MGAT5: variants seen among roughly 807,000 people sequenced by gnomAD.
MGAT5 encodes the protein alpha-1,6-mannosylglycoprotein 6-beta-N-acetylglucosaminyltransferase.
In MGAT5, 30 loss-of-function variants were observed where a neutral mutation model predicts 94.3. The ratio of observed to expected loss-of-function variants is 0.32; its 90% CI spans 0.24 to 0.43. MGAT5 has a LOEUF of 0.43. MGAT5 is among the 20% of genes least tolerant of loss of function. The pLI is 1.00. For synonymous variants in MGAT5, 310 were observed against 322.9 expected (o/e 0.96, Z 0.43); for missense variants, 691 against 905.5 (o/e 0.76, Z 3.04).
intron 1 of MGAT5, among the ~76,000 whole-genome samples, chr2:134,133,818 G>A (rs1686283803): frequency 6.6e-6 from 1 of 152,112 alleles, no homozygotes; most frequent in Non-Finnish European, 1.5e-5. Context: ...GGTGAACATG[G>A]GACAGGGAGG....
At position 134,186,380 on chromosome 2, in the gene MGAT5, C is replaced by CT. The variant is rs201791165; in HGVS notation, c.-143+66102dup. 6.9e-3 allele frequency among the ~76,000 whole-genome samples: 941 copies of CT among 135,966 alleles called. 6 individuals carry two copies. Among genetic ancestry groups the CT allele is most frequent in the African/African-American group, 0.021 (818 of 38,094 alleles). 89.2% of individuals were successfully genotyped at this position (135,966 alleles called of 152,430 possible). On this transcript the variant is annotated intron_variant, in intron 1 of 16. Transcript: ENST00000409645. ...GGAAAAAGGAGCCCTGGAGTCGTTT[C>CT]TTTTTTTTTTTTTACTTGGAATTTC...
chr2:134,431,111 A>G (rs1011862114), intron 14 of MGAT5, among the ~76,000 whole-genome samples: 1 of 152,040 alleles, frequency 6.6e-6, no homozygotes, highest in Non-Finnish European at 1.5e-5. Flanking sequence ...TGTCATGGGG[A>G]ATGATAGGCA....
At chr2:134,441,262 G>C (rs545463016) in intron 14 of MGAT5, among the ~76,000 whole-genome samples, 36 of 151,806 alleles carry the variant, frequency 2.4e-4, no homozygotes, top group Middle Eastern at 6.8e-3. Context: ...TTGCCATTGA[G>C]ATAAAAGTAG....
At chr2:134,349,643 G>A (rs1468738028) in intron 8 of MGAT5, among the ~76,000 whole-genome samples, 162 bp from the exon 9 acceptor site, 6 of 152,236 alleles carry the variant, frequency 3.9e-5, no homozygotes, top group South Asian at 4.1e-4. Flanking sequence ...GTAGATGTTC[G>A]GTACACAAGC....
At chr2:134,169,577 T>C (rs1370975602) in intron 1 of MGAT5, among the ~76,000 whole-genome samples, 1 of 152,164 alleles carries the variant, frequency 6.6e-6, no homozygotes. Context: ...CTCCAAAAAT[T>C]ACTTTGGGTG....
intron 10 of MGAT5, among the ~76,000 whole-genome samples, chr2:134,396,797 G>T (rs1371577653): frequency 1.3e-5 from 2 of 152,238 alleles, no homozygotes; most frequent in Non-Finnish European, 2.9e-5. Context: ...CCCTGGAGAA[G>T]TTCACAGTTC....
At chr2:134,339,061 A>T (rs72978191) in intron 6 of MGAT5, among the ~76,000 whole-genome samples, 5,198 of 152,246 alleles carry the variant, frequency 0.034, 266 homozygotes, top group African/African-American at 0.11. Context: ...ACATCTAAAA[A>T]ACTTAAAAAT....
At chr2:134,304,253 C>T (rs1686199338) in intron 2 of MGAT5, among the ~76,000 whole-genome samples, 1 of 152,130 alleles carries the variant, frequency 6.6e-6, no homozygotes, top group South Asian at 2.1e-4. Flanking sequence ...ACAATAACCA[C>T]CATTTCTAGG....
At chr2:134,408,977 T>C (rs911092664) in intron 11 of MGAT5, among the ~76,000 whole-genome samples, 1 of 152,172 alleles carries the variant, frequency 6.6e-6, no homozygotes, top group African/African-American at 2.4e-5. Flanking sequence ...ATCTCTTATC[T>C]CTCTCTTCTG....
intron 2 of MGAT5, among the ~76,000 whole-genome samples, chr2:134,313,052 AC>A (rs1686779647): frequency 5.7e-5 from 1 of 17,396 alleles, no homozygotes; most frequent in African/African-American, 7.5e-5. Flanking sequence ...ACACACACAC[AC>A]ACACACACAC....
At chr2:134,287,388 ATGTATCATCTGAGAGTTT>A (rs1382377009) in intron 2 of MGAT5, among the ~76,000 whole-genome samples, 4 of 152,108 alleles carry the variant, frequency 2.6e-5, no homozygotes, top group Non-Finnish European at 5.9e-5. Flanking sequence ...TTTCTGTTGT[ATGTATCATCTGAGAGTTT>A]TTCTTTTTCA....
intron 2 of MGAT5, among the ~76,000 whole-genome samples, chr2:134,288,891 C>T (rs1685177037): frequency 6.6e-6 from 1 of 152,198 alleles, no homozygotes; most frequent in Non-Finnish European, 1.5e-5. Context: ...ATGGGCTTCA[C>T]TTGCTCAAAC....
chr2:134,444,238 A>C (rs543001387), intron 15 of MGAT5, among the ~76,000 whole-genome samples: 1 of 152,336 alleles, frequency 6.6e-6, no homozygotes, highest in African/African-American at 2.4e-5. Context: ...GCCAAGACGG[A>C]TAAGCCAGCC....
chr2:134,284,956 T>A (rs900185933), intron 2 of MGAT5, among the ~76,000 whole-genome samples: 1 of 152,224 alleles, frequency 6.6e-6, no homozygotes, highest in Non-Finnish European at 1.5e-5. Flanking sequence ...TTGTTGTAAA[T>A]GTTTCAGGTG....
intron 1 of MGAT5, among the ~76,000 whole-genome samples, chr2:134,199,528 C>T (rs148734101): frequency 3.6e-4 from 54 of 151,678 alleles, no homozygotes; most frequent in Non-Finnish European, 4.9e-4. Flanking sequence ...AAAACAGTGG[C>T]CTGAACCTCC....
chr2:134,446,065 A>T (rs548227482), intron 15 of MGAT5, among the ~76,000 whole-genome samples: 2 of 152,274 alleles, frequency 1.3e-5, no homozygotes, highest in East Asian at 3.9e-4. Context: ...TGCATTCCAC[A>T]GCCGAATCCA....
At chr2:134,428,810 G>A (rs1420420503) in intron 14 of MGAT5, among the ~76,000 whole-genome samples, 2 of 152,174 alleles carry the variant, frequency 1.3e-5, no homozygotes, top group African/African-American at 2.4e-5. Context: ...AATAATACAT[G>A]TTCAGCAATT....
intron 1 of MGAT5, among the ~76,000 whole-genome samples, chr2:134,260,356 G>A (rs1021931965): frequency 3.9e-5 from 6 of 152,242 alleles, no homozygotes; most frequent in Admixed American, 6.5e-5. Context: ...GTTGGGGGCA[G>A]TGGAGAGGTA....
chr2:134,396,732 T>G (rs531945902), intron 10 of MGAT5, among the ~76,000 whole-genome samples: 4 of 152,326 alleles, frequency 2.6e-5, no homozygotes, highest in Non-Finnish European at 4.4e-5. Context: ...CCAGCTTGTA[T>G]TTACTGAGCG....
Sources: allele counts gnomAD v4.1 joint callset (sites outside exome capture counted in the v4.1 genomes callset), GRCh38; gene constraint gnomAD v4.1.1; transcripts MANE v1.5; gene names NCBI Gene and HGNC (gene_info 2026-07-23, HGNC 2026-07-21).